RABGGTA: variants seen among roughly 807,000 people sequenced by gnomAD.
The protein encoded by RABGGTA is Rab geranylgeranyltransferase subunit alpha.
RABGGTA carries 69 observed loss-of-function variants against 83.3 expected under a neutral mutation model. The observed-to-expected ratio is 0.83, with a 90% CI of 0.68 to 1.01. The LOEUF (loss-of-function observed/expected upper bound fraction) is 1.01, where lower values mean the gene tolerates loss of function less well. Ranked by LOEUF, RABGGTA falls within the 50% of genes least tolerant of loss-of-function variation. The pLI is 0.00. For missense variants in RABGGTA, 681 were observed against 712.7 expected, an observed-to-expected ratio of 0.96 and a Z score of 0.51; for synonymous variants, 310 against 299.8, an observed-to-expected ratio of 1.03 and a Z score of -0.35.
rs2040956291 is a variant in RABGGTA, at chr14:24,271,586, A to C, written c.-154T>G. ...GCCACGTCCCGGCTCATCGAAACGC[A>C]GCGCACTCTGCAGGCTTGGGGAGGG... is the stretch of plus-strand genomic sequence containing the variant. On this transcript the variant is annotated 5_prime_UTR_variant, in exon 1 of 17. Coordinates refer to ENST00000216840, the MANE Select transcript of RABGGTA (RefSeq NM_182836.3). The C allele has an allele frequency of 6.4e-6, 1 of 155,598 alleles. No homozygotes were observed. Among genetic ancestry groups the C allele is most frequent in the Non-Finnish European group, 1.4e-5 (1 of 70,502 alleles). The allele number at this position is 155,598 out of a possible 1,614,324, so 9.6% of individuals were successfully genotyped here.
chr14:24,266,416 A>G lies in RABGGTA; in HGVS notation c.1555+14T>C, dbSNP rs769111152. On this transcript the variant is annotated intron_variant, in intron 16 of 16. Transcript: ENST00000216840. The stretch of plus-strand genomic sequence containing the variant: ...TTTACCCACTGTCTGAAAGGCACCC[A>G]GAAGGAAGGATACGGTTGTTGCACA... 1.6e-5 allele frequency: 26 copies of G among 1,613,630 alleles called. No individual in the cohort carries two copies. The South Asian group carries it at 2.7e-4, about 17-fold the overall frequency.
At chr14:24,270,979 G>C (rs1166463522) in intron 2 of RABGGTA, 32 bp from the exon 3 acceptor site, 1 of 1,610,182 alleles carries the variant, frequency 6.2e-7, no homozygotes, top group Non-Finnish European at 8.5e-7. Flanking sequence ...AAGAGTGCAG[G>C]TTGCCTTGCA....
At chr14:24,267,814 T>C in intron 13 of RABGGTA, 38 bp from the exon 14 acceptor site, 4 of 1,610,318 alleles carry the variant, frequency 2.5e-6, no homozygotes, top group Non-Finnish European at 3.4e-6. Flanking sequence ...GCATGTCAGC[T>C]GCCTGCCTCC....
In RABGGTA at chr14:24,266,409, G is replaced by C. The variant is rs775150596; in HGVS notation, c.1555+21C>G. ...ACCTCACTTTACCCACTGTCTGAAA[G>C]GCACCCAGAAGGAAGGATACGGTTG... is the stretch of plus-strand genomic sequence containing the variant. On this transcript the variant is annotated intron_variant, in intron 16 of 16. Transcript: ENST00000216840. The C allele has an allele frequency of 4.3e-5, 69 of 1,612,436 alleles. No individual in the cohort carries two copies. Among genetic ancestry groups the C allele is most frequent in the Non-Finnish European group, 5.8e-5 (68 of 1,178,594 alleles).
At position 24,265,687 on chromosome 14, in the gene RABGGTA, C is replaced by A. The variant is rs369935041; in HGVS notation, c.1632G>T (p.Pro544=). The A allele has an allele frequency of 5.0e-6, 8 of 1,613,330 alleles. No homozygotes were observed. Among genetic ancestry groups the A allele is most frequent in the Non-Finnish European group, 6.8e-6 (8 of 1,179,650 alleles). ...CCAAGATGCCCACCGCTTGGCACAG[C>A]GGGTTACCCTGCAGGTTGAGGAGGA... ...RLVLLNLQGN[P]LCQAVGILEQ... The change falls in exon 17 of 17, where the codon CCG becomes CCT. Residue 544 remains proline (P), a synonymous_variant. Coordinates refer to ENST00000216840, the MANE Select transcript of RABGGTA (RefSeq NM_182836.3).
chr14:24,269,604 C>T lies in RABGGTA; in HGVS notation c.518G>A (p.Arg173Gln), dbSNP rs377391691. 8.7e-6 allele frequency: 14 copies of T among 1,613,814 alleles called. No individual in the cohort carries two copies. The highest frequency in any genetic ancestry group is 7.7e-5 in the South Asian group (7 of 91,084). Residue 173 changes from arginine (R) to glutamine (Q), a missense_variant, in exon 6 of 17, where the codon CGA becomes CAA. This residue lies in a region of RABGGTA where 122 missense variants were observed against 118.9 expected (regional missense o/e 1.03). Transcript: ENST00000216840. Reference protein sequence around the residue: ...ELAFTDSLITRNFSNYSSWHY... With the variant: ...ELAFTDSLITQNFSNYSSWHY... ...CCAGGAAGAGTAGTTGGAGAAGTTT[C>T]GGGTGATGAGGCTGTCAGTGAAGGC...
At chr14:24,271,285 G>C in intron 1 of RABGGTA, 116 bp from the exon 2 acceptor site, 1 of 836,990 alleles carries the variant, frequency 1.2e-6, no homozygotes, top group South Asian at 2.4e-5. Context: ...GAGGTCCTGG[G>C]ACAGGCTTTG....
Position 24,270,866 on chromosome 14 carries a change from G to C in RABGGTA, c.85C>G (p.Gln29Glu). 6.2e-7 allele frequency: 1 copy of C among 1,613,976 alleles called. No individual in the cohort carries two copies. Among genetic ancestry groups the C allele is most frequent in the South Asian group, 1.1e-5 (1 of 91,056 alleles). ...TGGAATACGGCCTGGGTGGCTGACT[G>C]GTATAGCTTCAGCTTCTGCTCTCGC... Reference protein sequence around the residue: ...LEREQKLKLYQSATQAVFQKR... With the variant: ...LEREQKLKLYESATQAVFQKR... Residue 29 changes from glutamine (Q) to glutamate (E), a missense_variant, in exon 3 of 17, where the codon CAG becomes GAG. Physicochemically the swap from Gln to Glu is conservative, Grantham distance 29. Transcript: ENST00000216840.
Position 24,269,988 on chromosome 14 carries a change from A to G in RABGGTA, c.392T>C (p.Leu131Pro), listed in dbSNP as rs1262213371. ...ATCCACCTCCAGGAAACGGGCACAG[A>G]GCTCCAGCTCTCGGGTCCAGTTGGG... Reference protein sequence around the residue: ...PEPNWTRELELCARFLEVDER... With the variant: ...PEPNWTRELEPCARFLEVDER... Residue 131 changes from leucine to proline, a missense_variant, in exon 5 of 17, where the codon CTC becomes CCC. Leu to Pro is a moderately conservative substitution (Grantham distance 98). Around this residue, in one of 5 missense-constraint regions of RABGGTA, gnomAD observed 122 missense variants for 118.9 expected, o/e 1.03. Coordinates refer to ENST00000216840, the MANE Select transcript of RABGGTA (RefSeq NM_182836.3). The G allele has an allele frequency of 6.2e-7, 1 of 1,613,722 alleles. No individual in the cohort carries two copies. Among genetic ancestry groups the G allele is most frequent in the South Asian group, 1.1e-5 (1 of 91,040 alleles).
In RABGGTA at chr14:24,270,393, A is replaced by T; in HGVS notation, c.180T>A (p.Pro60=). Reference sequence around the variant, plus strand: ...GGCAGTTCCAGAGGGTGGCAAAATCAGGGTTGGCTCCCAGAATCTGGCTTG... The same window carrying T: ...GGCAGTTCCAGAGGGTGGCAAAATCTGGGTTGGCTCCCAGAATCTGGCTTG... The part of the protein sequence containing the change: ...ELTSQILGAN[P]DFATLWNCRR... The change falls in exon 4 of 17, where the codon CCT becomes CCA. Residue 60 remains proline, a synonymous_variant. Coordinates refer to ENST00000216840, the MANE Select transcript of RABGGTA (RefSeq NM_182836.3). 1 of 1,614,002 alleles carries T rather than the reference A, an allele frequency of 6.2e-7. No homozygotes were observed.
In RABGGTA at chr14:24,268,167, G is replaced by A. The variant is rs762482261; in HGVS notation, c.1090C>T (p.Leu364=). 2 of 1,542,490 alleles carry A rather than the reference G, an allele frequency of 1.3e-6. No individual in the cohort carries two copies. The highest frequency in any genetic ancestry group is 1.8e-6 in the Non-Finnish European group (2 of 1,136,362). ...TTACAGGATTCCAGCTCAGACTGCA[G>A]CACTGTGGACTTCTCCACTGACAGC... The part of the protein sequence containing the change: ...CELSVEKSTV[L]QSELESCKEL... The change falls in exon 12 of 17, where the codon CTG becomes TTG. Residue 364 remains leucine (L), a synonymous_variant. Transcript: ENST00000216840.
At chr14:24,270,786 C>T (rs2040937953) in intron 3 of RABGGTA, 51 bp downstream of exon 3, 2 of 1,586,572 alleles carry the variant, frequency 1.3e-6, no homozygotes, top group Non-Finnish European at 8.6e-7. Flanking sequence ...TTGGCCTCTG[C>T]ACTATACTAA....
At chr14:24,267,633 G>A (rs747717786) in intron 14 of RABGGTA, 27 bp downstream of exon 14, 1 of 1,583,006 alleles carries the variant, frequency 6.3e-7, no homozygotes, top group South Asian at 1.1e-5. Flanking sequence ...ATGAGGGCCA[G>A]GGGAAGGCAT....
Position 24,271,130 on chromosome 14 carries a change from G to A in RABGGTA, c.-15C>T. On this transcript the variant is annotated 5_prime_UTR_variant, in exon 2 of 17. Transcript: ENST00000216840. The stretch of plus-strand genomic sequence containing the variant: ...GTTCTCACCATGGTGCCGGCTCAGG[G>A]TTCAAGACAGGGGAAGGGTCCAGTG... The A allele has an allele frequency of 9.1e-6, 14 of 1,539,968 alleles. No individual in the cohort carries two copies. Among genetic ancestry groups the A allele is most frequent in the Non-Finnish European group, 1.0e-5 (12 of 1,144,202 alleles).
chr14:24,268,783 G>T lies in RABGGTA; in HGVS notation c.842C>A (p.Ser281Tyr). 6.3e-7 allele frequency: 1 copy of T among 1,577,612 alleles called. No individual in the cohort carries two copies. ...GGTCCTCCACTCCACAATCAGGGGA[G>T]AATCATCAACCATGAGCAGCAAGAT... ...MEILLLMVDD[S>Y]PLIVEWRTPD... Residue 281 changes from serine to tyrosine, a missense_variant, in exon 9 of 17, where the codon TCT (serine) becomes TAT (tyrosine). Physicochemically the swap from Ser to Tyr is moderately radical, Grantham distance 144 (BLOSUM62 -2). Around this residue, in one of 5 missense-constraint regions of RABGGTA, gnomAD observed 421 missense variants for 418.5 expected, o/e 1.01. Transcript: ENST00000216840.
At chr14:24,267,228 T>A (rs1222178567) in intron 14 of RABGGTA, among the ~76,000 whole-genome samples, 2 of 151,942 alleles carry the variant, frequency 1.3e-5, no homozygotes, top group East Asian at 3.9e-4. Context: ...TTGGCAGGAA[T>A]GGAGGTGGGC....
In RABGGTA at chr14:24,271,116, G is replaced by A. The variant is rs767888496; in HGVS notation, c.-1C>T. 2 of 1,548,178 alleles carry A rather than the reference G, an allele frequency of 1.3e-6. No individual in the cohort carries two copies. The highest frequency in any genetic ancestry group is 1.7e-6 in the Non-Finnish European group (2 of 1,147,680). On this transcript the variant is annotated 5_prime_UTR_variant, in exon 2 of 17. Transcript: ENST00000216840. ...GGGCTGGGCTCAGGGTTCTCACCATGGTGCCGGCTCAGGGTTCAAGACAGG... is the reference window on the plus strand; with the variant it reads ...GGGCTGGGCTCAGGGTTCTCACCATAGTGCCGGCTCAGGGTTCAAGACAGG...
chr14:24,267,033 G>A (rs1358520061), intron 14 of RABGGTA, 144 bp from the exon 15 acceptor site: 5 of 652,412 alleles, frequency 7.7e-6, no homozygotes, highest in Middle Eastern at 4.1e-4. Flanking sequence ...GAGCATGTGG[G>A]AAGCTGACCT....
chr14:24,269,404 G>T (rs939788202), intron 6 of RABGGTA, 87 bp downstream of exon 6: 9 of 1,446,028 alleles, frequency 6.2e-6, no homozygotes, highest in Non-Finnish European at 7.7e-6. Context: ...CAATAAACCT[G>T]AGTGACAGGT....
Sources: allele counts gnomAD v4.1 joint callset (sites outside exome capture counted in the v4.1 genomes callset), GRCh38; gene constraint gnomAD v4.1.1; regional missense constraint gnomAD v4.1.1; transcripts MANE v1.5; gene names NCBI Gene and HGNC (gene_info 2026-07-23, HGNC 2026-07-21).